COL21A1: variants seen among roughly 807,000 people sequenced by gnomAD.
The protein encoded by COL21A1 is collagen alpha-1(XXI) chain.
COL21A1 carries 149 observed loss-of-function variants against 137.9 expected under a neutral mutation model. The ratio of observed to expected loss-of-function variants is 1.08; its 90% CI spans 0.95 to 1.24. COL21A1 has a LOEUF of 1.24. Ranked by LOEUF, COL21A1 falls within the 50% of genes most tolerant of loss-of-function variation. COL21A1 has a pLI of 0.00. For missense variants in COL21A1, 1,167 were observed against 1,158.4 expected, an observed-to-expected ratio of 1.01 and a Z score of -0.11; for synonymous variants, 456 against 391.5, an observed-to-expected ratio of 1.16 and a Z score of -1.95.
chr6:56,288,307 C>G (rs1047278783), intron 1 of COL21A1, among the ~76,000 whole-genome samples: 1 of 151,120 alleles, frequency 6.6e-6, no homozygotes, highest in East Asian at 1.9e-4. Flanking sequence ...TAAAGGGTTT[C>G]ACAGCACTCT....
rs377303632 is a variant in COL21A1, at chr6:56,260,510, G to A, written c.-38-77854C>T. On this transcript the variant is annotated intron_variant, in intron 1 of 28. Coordinates refer to the COL21A1 transcript ENST00000370819. The stretch of plus-strand genomic sequence containing the variant: ...AATCACTTGAACCCAGGAGGTGGAG[G>A]TTGCAGTGAACCAAGACTGAGCATC... Among the ~76,000 whole-genome samples the A allele has an allele frequency of 3.7e-3, 556 of 151,036 alleles. 7 individuals are homozygous for A. Among genetic ancestry groups the A allele is most frequent in the Non-Finnish European group, 3.9e-3 (267 of 67,788 alleles).
At chr6:56,297,177 GAAGA>G (rs1764181908) in intron 1 of COL21A1, among the ~76,000 whole-genome samples, 1 of 152,030 alleles carries the variant, frequency 6.6e-6, no homozygotes, top group South Asian at 2.1e-4. Context: ...TATTTCAATA[GAAGA>G]AAGACTCAAC....
chr6:56,199,771 C>A (rs1779254596), intron 1 of COL21A1, among the ~76,000 whole-genome samples: 1 of 152,146 alleles, frequency 6.6e-6, no homozygotes, highest in African/African-American at 2.4e-5. Flanking sequence ...ACCCCAGAAT[C>A]CTTTCCATTA....
At chr6:56,138,855 T>G (rs556967018) in intron 12 of COL21A1, among the ~76,000 whole-genome samples, 2 of 152,032 alleles carry the variant, frequency 1.3e-5, no homozygotes, top group African/African-American at 4.8e-5. Flanking sequence ...GTGGGGAGGT[T>G]TGGGTGGTTT....
At chr6:56,308,309 G>A (rs987160148) in intron 1 of COL21A1, among the ~76,000 whole-genome samples, 1 of 152,182 alleles carries the variant, frequency 6.6e-6, no homozygotes, top group Non-Finnish European at 1.5e-5. Flanking sequence ...ATCAGACATT[G>A]AACACTATTG....
At chr6:56,164,594 G>A in intron 8 of COL21A1, 88 bp from the exon 9 acceptor site, 1 of 1,042,438 alleles carries the variant, frequency 9.6e-7, no homozygotes, top group African/African-American at 1.6e-5. Context: ...ATATATTTGT[G>A]TAAAATGGCA....
chr6:56,295,179 TC>T, intron 1 of COL21A1, among the ~76,000 whole-genome samples: 1 of 152,146 alleles, frequency 6.6e-6, no homozygotes, highest in East Asian at 1.9e-4. Flanking sequence ...ATTCAATTAT[TC>T]CAGTAGCATT....
intron 1 of COL21A1, among the ~76,000 whole-genome samples, chr6:56,303,440 C>A (rs1764353069): frequency 6.6e-6 from 1 of 152,046 alleles, no homozygotes; most frequent in Non-Finnish European, 1.5e-5. Flanking sequence ...TTGAAGAGGT[C>A]CTTCACATCC....
intron 12 of COL21A1, among the ~76,000 whole-genome samples, chr6:56,141,486 T>C (rs917762269): frequency 6.6e-6 from 1 of 152,156 alleles, no homozygotes; most frequent in Non-Finnish European, 1.5e-5. Flanking sequence ...AACACTTTCC[T>C]TTCACATAAC....
Position 56,126,163 on chromosome 6 carries a change from T to A in COL21A1, c.1543-14A>T. On this transcript the variant is annotated splice_polypyrimidine_tract_variant and intron_variant, in intron 12 of 29. Coordinates refer to ENST00000244728, the MANE Select transcript of COL21A1 (RefSeq NM_030820.4). ...TCCACGATCACCCTGAAAATAAAACTGAAATTAATTACAAAGAAAAACCAT... is the reference window on the plus strand; with the variant it reads ...TCCACGATCACCCTGAAAATAAAACAGAAATTAATTACAAAGAAAAACCAT... 1 of 1,525,124 alleles carries A rather than the reference T, an allele frequency of 6.6e-7. No individual in the cohort carries two copies. The highest frequency in any genetic ancestry group is 8.9e-7 in the Non-Finnish European group (1 of 1,124,826). The allele number at this position is 1,525,124 out of a possible 1,614,324, so 94.5% of individuals were successfully genotyped here.
intron 1 of COL21A1, among the ~76,000 whole-genome samples, chr6:56,300,448 G>C (rs1304227804): frequency 6.6e-6 from 1 of 151,942 alleles, no homozygotes; most frequent in African/African-American, 2.4e-5. Flanking sequence ...ATTTAAATTA[G>C]ACATTTTTTG....
At chr6:56,104,388 A>G (rs763218397) in intron 16 of COL21A1, among the ~76,000 whole-genome samples, 5 of 152,184 alleles carry the variant, frequency 3.3e-5, no homozygotes, top group Non-Finnish European at 7.4e-5. Context: ...TCTTTACCTA[A>G]GAACACTCTC....
intron 1 of COL21A1, among the ~76,000 whole-genome samples, chr6:56,382,385 C>T (rs2094010092): frequency 6.6e-6 from 1 of 152,166 alleles, no homozygotes. Context: ...TATGAAGAAA[C>T]GAATATCACT....
intron 1 of COL21A1, among the ~76,000 whole-genome samples, chr6:56,374,054 T>C (rs1159454808): frequency 3.3e-5 from 5 of 152,200 alleles, no homozygotes; most frequent in Non-Finnish European, 5.9e-5. Context: ...AGTGTGTACA[T>C]CAATCCAGGA....
At chr6:56,271,692 T>A (rs1167251391) in intron 1 of COL21A1, among the ~76,000 whole-genome samples, 1 of 151,992 alleles carries the variant, frequency 6.6e-6, no homozygotes, top group Non-Finnish European at 1.5e-5. Context: ...AGCCCAAAGG[T>A]CTAGGAGGAA....
intron 23 of COL21A1, among the ~76,000 whole-genome samples, chr6:56,066,925 A>G (rs978087202): frequency 4.0e-5 from 6 of 151,592 alleles, no homozygotes; most frequent in Non-Finnish European, 5.9e-5. Context: ...TTGCCATAAA[A>G]CAATTTCAAG....
intron 1 of COL21A1, among the ~76,000 whole-genome samples, chr6:56,364,218 C>T (rs528705367): frequency 5.9e-5 from 9 of 151,992 alleles, no homozygotes; most frequent in Non-Finnish European, 1.0e-4. Flanking sequence ...GCAGAGGGAA[C>T]CATCGAGACA....
intron 1 of COL21A1, among the ~76,000 whole-genome samples, chr6:56,392,467 T>TC (rs1214972887): frequency 1.1e-4 from 16 of 152,096 alleles, no homozygotes; most frequent in African/African-American, 3.9e-4. Context: ...TACTGTTTTT[T>TC]CAACATGTTC....
At chr6:56,337,961 C>CTTT (rs200998969) in intron 1 of COL21A1, among the ~76,000 whole-genome samples, 2 of 90,906 alleles carry the variant, frequency 2.2e-5, no homozygotes, top group Non-Finnish European at 5.8e-5. Context: ...CTTTTCTTTT[C>CTTT]TTTTTTTTTT....
Sources: allele counts gnomAD v4.1 joint callset (sites outside exome capture counted in the v4.1 genomes callset), GRCh38; gene constraint gnomAD v4.1.1; transcripts MANE v1.5; gene names NCBI Gene and HGNC (gene_info 2026-07-23, HGNC 2026-07-21).